NPAS2: variants seen among roughly 807,000 people sequenced by gnomAD.
NPAS2 encodes neuronal PAS domain protein 2.
A neutral mutation model predicts 107.5 loss-of-function variants in NPAS2; 23 were observed. The observed-to-expected ratio is 0.21, with a 90% CI of 0.15 to 0.30. NPAS2 has a LOEUF of 0.30. NPAS2 is among the 10% of genes least tolerant of loss of function. The pLI, the probability that NPAS2 is intolerant of heterozygous loss-of-function variation, is 1.00. For synonymous variants in NPAS2, 403 were observed against 417.5 expected, an observed-to-expected ratio of 0.97 and a Z score of 0.42; for missense variants, 756 against 1,043.3, an observed-to-expected ratio of 0.72 and a Z score of 3.79.
chr2:100,873,892 T>G (rs1679784485), intron 1 of NPAS2, among the ~76,000 whole-genome samples: 1 of 151,534 alleles, frequency 6.6e-6, no homozygotes, highest in Admixed American at 6.5e-5. Context: ...CAGAAATGTC[T>G]TCCCATTTTG....
intron 5 of NPAS2, among the ~76,000 whole-genome samples, chr2:100,945,760 C>G (rs1431299360): frequency 2.0e-5 from 3 of 152,238 alleles, no homozygotes; most frequent in Non-Finnish European, 4.4e-5. Context: ...CCCACCCTGT[C>G]TGGCAGACAC....
intron 1 of NPAS2, among the ~76,000 whole-genome samples, chr2:100,876,276 G>A (rs994671110): frequency 1.1e-4 from 16 of 152,288 alleles, no homozygotes; most frequent in African/African-American, 1.9e-4. Flanking sequence ...GAACCAAGGC[G>A]TGTGGCTGGT....
At chr2:100,870,910 G>T (rs1343035182) in intron 1 of NPAS2, among the ~76,000 whole-genome samples, 1 of 152,226 alleles carries the variant, frequency 6.6e-6, no homozygotes, top group Non-Finnish European at 1.5e-5. Context: ...ATTCAGCTGT[G>T]TGCCCTCTAG....
chr2:100,825,179 G>C lies in NPAS2; in HGVS notation c.-23+4765G>C, dbSNP rs543986819. On this transcript the variant is annotated intron_variant, in intron 1 of 20. Transcript: ENST00000335681. Reference sequence around the variant, plus strand: ...ACAGGTGACGAGGTGACAGAACCTAGTGGCGTGATTCTTCTAGCCTCTTCT... The same window carrying C: ...ACAGGTGACGAGGTGACAGAACCTACTGGCGTGATTCTTCTAGCCTCTTCT... Among the ~76,000 whole-genome samples the C allele has an allele frequency of 2.0e-5, 3 of 152,356 alleles. No individual in the cohort carries two copies. In the East Asian group the frequency reaches 5.8e-4, roughly 29 times the overall value.
In NPAS2 at chr2:100,907,436, G is replaced by A. The variant is rs191825268; in HGVS notation, c.32+2650G>A. ...TCAGATGGAAAAAGGAGTTTAGAAC[G>A]TTTGGTGGTACCCAGAAATAGCAAG... On this transcript the variant is annotated intron_variant, in intron 2 of 20. Transcript: ENST00000335681. Among the ~76,000 whole-genome samples, 94 of 151,192 alleles carry A rather than the reference G, an allele frequency of 6.2e-4. 2 individuals are homozygous for A. Among genetic ancestry groups the A allele is most frequent in the Admixed American group, 1.9e-3 (29 of 15,172 alleles).
Position 100,993,634 on chromosome 2 carries a change from A to G in NPAS2, c.2292+107A>G. On this transcript the variant is annotated intron_variant, in intron 20 of 20. Coordinates refer to ENST00000335681, the MANE Select transcript of NPAS2 (RefSeq NM_002518.4). ...ATTCCCTTGCTTTCAAGGTTGTTCT[A>G]TCCCTAGTATAGAAGTAAGCCCCAG... 3.4e-6 allele frequency: 3 copies of G among 884,284 alleles called. No homozygotes were observed. In the South Asian group the frequency reaches 5.7e-5, roughly 17 times the overall value. The allele number at this position is 884,284 out of a possible 1,614,324, so 54.8% of individuals were successfully genotyped here.
intron 2 of NPAS2, among the ~76,000 whole-genome samples, chr2:100,908,882 G>T (rs1379659744): frequency 1.3e-5 from 2 of 152,168 alleles, no homozygotes; most frequent in East Asian, 3.8e-4. Context: ...GATTCTTGGG[G>T]CTCTTAATGG....
chr2:100,821,839 G>A (rs1357553725), intron 1 of NPAS2, among the ~76,000 whole-genome samples: 1 of 152,192 alleles, frequency 6.6e-6, no homozygotes, highest in Admixed American at 6.5e-5. Flanking sequence ...GTTTAAAAGA[G>A]TTATCCTGAC....
At chr2:100,884,860 C>T (rs890708452) in intron 1 of NPAS2, among the ~76,000 whole-genome samples, 12 of 151,808 alleles carry the variant, frequency 7.9e-5, no homozygotes, top group African/African-American at 2.2e-4. Flanking sequence ...GTACTTCTGC[C>T]GTTTTGTTTT....
chr2:100,844,013 G>A (rs1354214039), intron 1 of NPAS2, among the ~76,000 whole-genome samples: 1 of 152,168 alleles, frequency 6.6e-6, no homozygotes, highest in Admixed American at 6.5e-5. Flanking sequence ...AGAAATGGTG[G>A]TGAAGATGCC....
At chr2:100,956,233 A>C (rs1411444986) in intron 7 of NPAS2, among the ~76,000 whole-genome samples, 1 of 152,112 alleles carries the variant, frequency 6.6e-6, no homozygotes. Context: ...CAGGGGGTAC[A>C]TGTGCAGGTC....
chr2:100,974,809 G>T lies in NPAS2; in HGVS notation c.1147G>T (p.Gly383Cys), dbSNP rs1224227101. The T allele has an allele frequency of 3.7e-6, 6 of 1,613,746 alleles. No individual in the cohort carries two copies. Among genetic ancestry groups the T allele is most frequent in the Non-Finnish European group, 4.2e-6 (5 of 1,179,876 alleles). ...TTTGATGTGTGTGTTTCAGGACAAGGGCTCAAGCCTGGAACCTCGGCAGCA... is the reference window on the plus strand; with the variant it reads ...TTTGATGTGTGTGTTTCAGGACAAGTGCTCAAGCCTGGAACCTCGGCAGCA... The part of the protein sequence containing the change: ...ALHSSALKDK[G>C]SSLEPRQHFN... Residue 383 changes from glycine to cysteine, a missense_variant, in exon 13 of 21, where the codon GGC (glycine) becomes TGC (cysteine). Gly to Cys is a radical substitution (Grantham distance 159). Coordinates refer to ENST00000335681, the MANE Select transcript of NPAS2 (RefSeq NM_002518.4).
Position 100,964,155 on chromosome 2 carries a change from G to A in NPAS2, c.696G>A (p.Leu232=). The change falls in exon 8 of 21, where the codon CTG becomes CTA. Residue 232 remains leucine (L), a synonymous_variant. Transcript: ENST00000335681. ...KEVCFIATVR[L]ATPQFLKEMC... ...TTTGCTTCATTGCCACCGTTCGTCTGGCAACACCACAATTCTTAAAGGCAA... is the reference window on the plus strand; with the variant it reads ...TTTGCTTCATTGCCACCGTTCGTCTAGCAACACCACAATTCTTAAAGGCAA... The A allele has an allele frequency of 6.2e-7, 1 of 1,612,672 alleles. No homozygotes were observed. The highest frequency in any genetic ancestry group is 8.5e-7 in the Non-Finnish European group (1 of 1,178,666).
At chr2:100,958,011 CT>C (rs1675684446) in intron 7 of NPAS2, among the ~76,000 whole-genome samples, 1 of 152,188 alleles carries the variant, frequency 6.6e-6, no homozygotes, top group Admixed American at 6.5e-5. Context: ...GAAGGCAATC[CT>C]TTCTCTGAGC....
At chr2:100,936,218 T>A (rs1440399203) in intron 4 of NPAS2, among the ~76,000 whole-genome samples, 3 of 152,252 alleles carry the variant, frequency 2.0e-5, no homozygotes, top group Non-Finnish European at 4.4e-5. Flanking sequence ...CTTCATGCAC[T>A]GCTCGTGGCC....
chr2:100,867,532 C>A lies in NPAS2; in HGVS notation c.-22-37201C>A, dbSNP rs181532911. On this transcript the variant is annotated intron_variant, in intron 1 of 20. Coordinates refer to ENST00000335681, the MANE Select transcript of NPAS2 (RefSeq NM_002518.4). ...GGTAGATTCCTTTTGTTAGTATTTA[C>A]CTGGTATTTGTTTTTTCTCCTTTTA... Among the ~76,000 whole-genome samples the A allele has an allele frequency of 4.6e-4, 70 of 152,150 alleles. 2 individuals are homozygous for A. The East Asian group carries it at 9.8e-3, about 21-fold the overall frequency.
chr2:100,921,712 G>A (rs1025328008), intron 2 of NPAS2, among the ~76,000 whole-genome samples: 4 of 152,180 alleles, frequency 2.6e-5, no homozygotes, highest in Admixed American at 6.5e-5. Flanking sequence ...AATCCAAGCC[G>A]CAGTAAGGTA....
intron 1 of NPAS2, among the ~76,000 whole-genome samples, chr2:100,827,282 TCAGA>T (rs1247006011): frequency 6.6e-6 from 1 of 152,322 alleles, no homozygotes; most frequent in Non-Finnish European, 1.5e-5. Context: ...AGATTTACAG[TCAGA>T]CAGGTTCTAA....
In NPAS2 at chr2:100,974,832, G is replaced by A; in HGVS notation, c.1170G>A (p.Gln390=). The part of the protein sequence containing the change: ...KDKGSSLEPR[Q]HFNTLDVGAS... Reference sequence around the variant, plus strand: ...AGGGCTCAAGCCTGGAACCTCGGCAGCACTTTAACACACTCGACGTGGGTG... The same window carrying A: ...AGGGCTCAAGCCTGGAACCTCGGCAACACTTTAACACACTCGACGTGGGTG... Residue 390 remains glutamine (Q), a synonymous_variant, in exon 13 of 21, where the codon CAG becomes CAA. Coordinates refer to ENST00000335681, the MANE Select transcript of NPAS2 (RefSeq NM_002518.4). 1.2e-6 allele frequency: 2 copies of A among 1,614,118 alleles called. No homozygotes were observed. Among genetic ancestry groups the A allele is most frequent in the East Asian group, 4.5e-5 (2 of 44,858 alleles).
Sources: gnomAD v4.1 joint callset for allele counts (sites outside exome capture counted in the v4.1 genomes callset) on GRCh38, gnomAD v4.1.1 for gene constraint, MANE v1.5 for transcripts, NCBI Gene and HGNC (gene_info 2026-07-23, HGNC 2026-07-21) for gene names.